The following ATRNL1 variants were observed in gnomAD, a reference collection of about 807,000 sequenced individuals.
The protein encoded by ATRNL1 is attractin like 1, also known as attractin-like protein 1.
A neutral mutation model predicts 182.7 loss-of-function variants in ATRNL1; 95 were observed. The observed-to-expected ratio is 0.52, with a 90% CI of 0.44 to 0.62. The LOEUF (loss-of-function observed/expected upper bound fraction) is 0.62. Among genes scored for constraint, ATRNL1 ranks in the 20% least tolerant of loss-of-function variants. The pLI is 0.00. For missense variants in ATRNL1, 1,471 were observed against 1,679.5 expected (o/e 0.88, Z 2.17); for synonymous variants, 576 against 568.3 (o/e 1.01, Z -0.19).
intron 18 of ATRNL1, among the ~76,000 whole-genome samples, chr10:115,328,709 C>T (rs1212735774): frequency 6.6e-6 from 1 of 152,048 alleles, no homozygotes; most frequent in East Asian, 1.9e-4. Context: ...GCTTATTTCA[C>T]TTAAGAAAAT....
Position 115,093,680 on chromosome 10 carries a change from G to C in ATRNL1, c.-71G>C. On this transcript the variant is annotated 5_prime_UTR_variant, in exon 1 of 29. Transcript: ENST00000355044. This position sits in a 1 kb window ranked among gnomAD's most constrained non-coding sequence, Gnocchi z 6.1. ...GGCGGCGGAGAGGTTTTCTGCGGCC[G>C]GAATTCCCTTCAACAGCATCCCTGT... The C allele has an allele frequency of 1.4e-6, 2 of 1,427,724 alleles. No homozygotes were observed. The highest frequency in any genetic ancestry group is 9.3e-7 in the Non-Finnish European group (1 of 1,073,120). The allele number at this position is 1,427,724 out of a possible 1,614,324, so 88.4% of individuals were successfully genotyped here. A position where few individuals can be genotyped will look rare whatever the true frequency, so the allele number is the denominator to read the frequency against.
At chr10:115,393,748 G>A (rs1480341587) in intron 19 of ATRNL1, among the ~76,000 whole-genome samples, 2 of 152,038 alleles carry the variant, frequency 1.3e-5, no homozygotes, top group Non-Finnish European at 2.9e-5. Context: ...TGAAAAGGAG[G>A]GGTCAGATAC....
At chr10:115,457,312 A>G (rs1209218357) in intron 21 of ATRNL1, among the ~76,000 whole-genome samples, 1 of 151,920 alleles carries the variant, frequency 6.6e-6, no homozygotes, top group Admixed American at 6.6e-5. Flanking sequence ...TCTTGGAAAA[A>G]GCAGCATTCA....
At chr10:115,900,725 T>C (rs1453583597) in intron 28 of ATRNL1, among the ~76,000 whole-genome samples, 10 of 152,194 alleles carry the variant, frequency 6.6e-5, no homozygotes, top group Non-Finnish European at 1.3e-4. Context: ...TGACTTGCTT[T>C]GAAGTCTGTT....
intron 20 of ATRNL1, among the ~76,000 whole-genome samples, chr10:115,406,566 T>C (rs1554958316): frequency 2.0e-5 from 3 of 152,190 alleles, no homozygotes. Flanking sequence ...CTGATAGATG[T>C]GTAATTGCTA....
At chr10:115,119,378 A>T (rs1844628852) in intron 1 of ATRNL1, among the ~76,000 whole-genome samples, 1 of 151,938 alleles carries the variant, frequency 6.6e-6, no homozygotes, top group South Asian at 2.1e-4. Context: ...ATATGTAAAA[A>T]CTGATTAGCT....
chr10:115,309,340 A>G (rs183884084), intron 17 of ATRNL1, among the ~76,000 whole-genome samples: 41 of 152,162 alleles, frequency 2.7e-4, no homozygotes, highest in African/African-American at 9.6e-4. Flanking sequence ...CTGGAAGTGC[A>G]CTGAACCTGC....
chr10:115,781,988 A>C (rs1336988486), intron 27 of ATRNL1, among the ~76,000 whole-genome samples: 1 of 152,072 alleles, frequency 6.6e-6, no homozygotes, highest in Non-Finnish European at 1.5e-5. Flanking sequence ...CGCTCCATGG[A>C]TATATTTAGA....
chr10:115,260,150 A>G (rs1851334390), intron 10 of ATRNL1, among the ~76,000 whole-genome samples: 1 of 152,184 alleles, frequency 6.6e-6, no homozygotes, highest in African/African-American at 2.4e-5. Flanking sequence ...TTACATTACT[A>G]TTACTGTACT....
intron 27 of ATRNL1, among the ~76,000 whole-genome samples, chr10:115,753,193 T>C (rs762244162): frequency 3.2e-4 from 48 of 152,124 alleles, no homozygotes; most frequent in South Asian, 6.2e-4. Flanking sequence ...TTTTTTATTA[T>C]ACTTTCAGTT....
chr10:115,489,027 G>A (rs993901934), intron 24 of ATRNL1, among the ~76,000 whole-genome samples: 4 of 152,110 alleles, frequency 2.6e-5, no homozygotes, highest in African/African-American at 9.7e-5. Context: ...CCATGTAGTT[G>A]TGTGGTTTTG....
At chr10:115,142,014 C>T (rs1845771408) in intron 5 of ATRNL1, among the ~76,000 whole-genome samples, 1 of 152,052 alleles carries the variant, frequency 6.6e-6, no homozygotes, top group Non-Finnish European at 1.5e-5. Flanking sequence ...CTAGAGACTG[C>T]TCTAGGTCCT....
At position 115,901,539 on chromosome 10, in the gene ATRNL1, T is replaced by C. The variant is rs369387182; in HGVS notation, c.4019-43119T>C. 1.2e-4 allele frequency among the ~76,000 whole-genome samples: 18 copies of C among 152,208 alleles called. No homozygotes were observed. In the East Asian group the frequency reaches 3.1e-3, roughly 26 times the overall value. On this transcript the variant is annotated intron_variant, in intron 28 of 28. Transcript: ENST00000355044. ...GTGGGTTTTTTGTTTTTTGTTTTTG[T>C]TTTTGTTGCACTTAATATGGTGCCC...
chr10:115,326,782 C>T (rs1180312826), intron 18 of ATRNL1, among the ~76,000 whole-genome samples: 3 of 152,086 alleles, frequency 2.0e-5, no homozygotes, highest in East Asian at 1.9e-4. Flanking sequence ...TAACGCTGCA[C>T]ATCTACAACT....
chr10:115,901,743 G>GAAAAAAAAAAAAAAA (rs562327427), intron 28 of ATRNL1, among the ~76,000 whole-genome samples: 4 of 58,032 alleles, frequency 6.9e-5, no homozygotes, highest in African/African-American at 1.2e-4. Flanking sequence ...GAACTGAGAA[G>GAAAAAAAAAAAAAAA]AAAAAAAAAA....
At chr10:115,188,157 G>A (rs1349119149) in intron 8 of ATRNL1, among the ~76,000 whole-genome samples, 1 of 151,918 alleles carries the variant, frequency 6.6e-6, no homozygotes, top group Non-Finnish European at 1.5e-5. Context: ...TGACAATTAG[G>A]GAATCTGAAT....
chr10:115,925,894 G>T (rs1349190616), intron 28 of ATRNL1, among the ~76,000 whole-genome samples: 1 of 152,122 alleles, frequency 6.6e-6, no homozygotes, highest in African/African-American at 2.4e-5. Context: ...CCTGAATTCA[G>T]CTCTGGATCA....
At chr10:115,729,891 G>T (rs1947736801) in intron 27 of ATRNL1, among the ~76,000 whole-genome samples, 1 of 151,716 alleles carries the variant, frequency 6.6e-6, no homozygotes, top group Non-Finnish European at 1.5e-5. Flanking sequence ...CTTTACTTTT[G>T]ATATCTAGTT....
At chr10:115,505,730 A>AT (rs1272202410) in intron 24 of ATRNL1, among the ~76,000 whole-genome samples, 6 of 152,162 alleles carry the variant, frequency 3.9e-5, no homozygotes, top group African/African-American at 1.4e-4. Flanking sequence ...AGAAAAAAAA[A>AT]CATGAACGCC....
Sources: gnomAD v4.1 joint callset for allele counts (sites outside exome capture counted in the v4.1 genomes callset) on GRCh38, gnomAD v4.1.1 for gene constraint, Gnocchi (gnomAD v3.1) non-coding constraint, MANE v1.5 for transcripts, NCBI Gene and HGNC (gene_info 2026-07-23, HGNC 2026-07-21) for gene names.